The following CDCA8 variants were observed in gnomAD, a reference collection of about 807,000 sequenced individuals.
The protein encoded by CDCA8 is borealin.
A neutral mutation model predicts 40.0 loss-of-function variants in CDCA8; 25 were observed. The observed-to-expected ratio is 0.63, with a 90% confidence interval of 0.46 to 0.87. CDCA8 has a LOEUF of 0.87. CDCA8 is among the 40% of genes least tolerant of loss of function. CDCA8 has a pLI of 0.00. For synonymous variants in CDCA8, 111 were observed against 126.5 expected (o/e 0.88, Z 0.82); for missense variants, 280 against 348.4 (o/e 0.80, Z 1.56).
chr1:37,708,299 G>T (rs574492867), intron 9 of CDCA8, 23 bp from the exon 10 acceptor site: 6 of 1,604,802 alleles, frequency 3.7e-6, no homozygotes, highest in African/African-American at 2.8e-5. Context: ...CTTCTACAAT[G>T]ACCTCTCTCC....
In CDCA8 at chr1:37,692,980, A is replaced by G; in HGVS notation, c.170A>G (p.Glu57Gly). ...GAGGTGGATAACCTCTACAACATCG[A>G]GATCCTGCGGCTCCCCAAGGCTCTG... Reference protein sequence around the residue: ...LKEVDNLYNIEILRLPKALRE... With the variant: ...LKEVDNLYNIGILRLPKALRE... Residue 57 changes from glutamate (E) to glycine (G), a missense_variant, in exon 2 of 10, where the codon GAG becomes GGG. Glu to Gly is a moderately conservative substitution (Grantham distance 98). Transcript: ENST00000373055. 6.2e-7 allele frequency: 1 copy of G among 1,614,096 alleles called. No homozygotes were observed. The highest frequency in any genetic ancestry group is 8.5e-7 in the Non-Finnish European group (1 of 1,180,000).
intron 4 of CDCA8, among the ~76,000 whole-genome samples, chr1:37,699,789 G>A (rs550275085): frequency 2.6e-5 from 4 of 152,084 alleles, no homozygotes; most frequent in East Asian, 3.9e-4. Flanking sequence ...GCGTGGTGGC[G>A]GGCGCCTGTA....
chr1:37,698,435 T>C (rs930286274), intron 3 of CDCA8, among the ~76,000 whole-genome samples: 1 of 152,226 alleles, frequency 6.6e-6, no homozygotes, highest in African/African-American at 2.4e-5. Context: ...TGGGATATGA[T>C]ATAGCAATGA....
chr1:37,703,917 T>C (rs992065304), intron 7 of CDCA8, among the ~76,000 whole-genome samples: 15 of 152,180 alleles, frequency 9.9e-5, no homozygotes, highest in African/African-American at 3.4e-4. Context: ...TTTTTGGCCT[T>C]TTCTGATTCA....
intron 2 of CDCA8, among the ~76,000 whole-genome samples, chr1:37,693,744 AAATG>A (rs1017938872): frequency 1.3e-5 from 2 of 152,236 alleles, no homozygotes. Flanking sequence ...ACCCATTTAA[AAATG>A]AATGAATAAA....
chr1:37,703,227 C>G, intron 6 of CDCA8, 25 bp from the exon 7 acceptor site: 1 of 1,572,710 alleles, frequency 6.4e-7, no homozygotes, highest in East Asian at 2.2e-5. Flanking sequence ...AGTTGGCATA[C>G]CTGATGGCCA....
rs1645617559 is a variant in CDCA8 at position 37,708,393 on chromosome 1, T to A, written c.*27T>A. The A allele has an allele frequency of 6.2e-7, 1 of 1,608,708 alleles. No homozygotes were observed. The highest frequency in any genetic ancestry group is 1.3e-5 in the African/African-American group (1 of 74,808). ...ACACCAAAGTTGACAGGATGGACTT[T>A]TAATGGGCACTTCTGGGACCCTGAA... is the stretch of plus-strand genomic sequence containing the variant. On this transcript the variant is annotated 3_prime_UTR_variant, in exon 10 of 10. Transcript: ENST00000373055.
chr1:37,705,621 TC>T, intron 8 of CDCA8, 54 bp downstream of exon 8: 1 of 1,597,030 alleles, frequency 6.3e-7, no homozygotes, highest in Non-Finnish European at 8.6e-7. Context: ...GTCAAGCATT[TC>T]TTTTCCCTGG....
chr1:37,695,140 C>T (rs144885539), intron 2 of CDCA8, among the ~76,000 whole-genome samples: 439 of 152,004 alleles, frequency 2.9e-3, no homozygotes, highest in Middle Eastern at 0.014. Flanking sequence ...TACTTGAGCC[C>T]AGGAATTTGA....
intron 8 of CDCA8, 47 bp from the exon 9 acceptor site, chr1:37,706,931 G>A (rs148932769): frequency 4.4e-5 from 67 of 1,506,034 alleles, no homozygotes; most frequent in South Asian, 3.2e-4. Flanking sequence ...TAGGGGTTCC[G>A]GCCCTAAGGG....
Position 37,708,743 on chromosome 1 carries a change from C to T in CDCA8, c.*377C>T, listed in dbSNP as rs148036658. 2.8e-3 allele frequency: 857 copies of T among 304,072 alleles called. 3 individuals carry two copies. Among genetic ancestry groups the T allele is most frequent in the Non-Finnish European group, 4.3e-3 (669 of 155,670 alleles). The allele number at this position is 304,072 out of a possible 1,614,324, so 18.8% of individuals were successfully genotyped here. A position where few individuals can be genotyped will look rare whatever the true frequency, so the allele number is the denominator to read the frequency against. On this transcript the variant is annotated 3_prime_UTR_variant, in exon 10 of 10. Coordinates refer to ENST00000373055, the MANE Select transcript of CDCA8 (RefSeq NM_001256875.2). ...CCTGTGTTCTCAGGAAGACTGCCTC[C>T]ACCACCGCTACCCAGAGAACCTCTG...
chr1:37,701,885 A>G lies in CDCA8; in HGVS notation c.488+67A>G. 4.3e-6 allele frequency: 5 copies of G among 1,168,368 alleles called. No individual in the cohort carries two copies. In the East Asian group the frequency reaches 9.6e-5, roughly 22 times the overall value. The allele number at this position is 1,168,368 out of a possible 1,614,324, so 72.4% of individuals were successfully genotyped here. ...GAGAGCCATATATATCATGGCAGAA[A>G]GTGAGGGGCAGTGAAAAGGCTCTGG... On this transcript the variant is annotated intron_variant, in intron 6 of 9. Transcript: ENST00000373055.
intron 3 of CDCA8, among the ~76,000 whole-genome samples, chr1:37,698,158 A>G (rs550759543): frequency 6.6e-6 from 1 of 152,372 alleles, no homozygotes; most frequent in Admixed American, 6.5e-5. Flanking sequence ...CAAGTGTTGT[A>G]GAGGATGTAG....
rs1645623663 is a variant in CDCA8, at chr1:37,709,299, T to C, written c.*933T>C. 6.6e-6 allele frequency: 1 copy of C among 152,206 alleles called. No homozygotes were observed. The highest frequency in any genetic ancestry group is 2.4e-5 in the African/African-American group (1 of 41,424). The allele number at this position is 152,206 out of a possible 1,614,324, so 9.4% of individuals were successfully genotyped here. ...CAGAGAGCACTTCTCTCTTATGGGG[T>C]TCATGGGAACAGGGGTGGGTGTGAC... is the stretch of plus-strand genomic sequence containing the variant. On this transcript the variant is annotated 3_prime_UTR_variant, in exon 10 of 10. Transcript: ENST00000373055.
chr1:37,708,906 A>C lies in CDCA8; in HGVS notation c.*540A>C. 6.2e-6 allele frequency: 1 copy of C among 160,156 alleles called. No homozygotes were observed. Among genetic ancestry groups the C allele is most frequent in the Non-Finnish European group, 1.4e-5 (1 of 72,364 alleles). The allele number at this position is 160,156 out of a possible 1,614,324, so 9.9% of individuals were successfully genotyped here. A position where few individuals can be genotyped will look rare whatever the true frequency, so the allele number is the denominator to read the frequency against. On this transcript the variant is annotated 3_prime_UTR_variant, in exon 10 of 10. Coordinates refer to ENST00000373055, the MANE Select transcript of CDCA8 (RefSeq NM_001256875.2). ...CAGAGCAGGACAGTTGGCAGCAGTGACCTCAGTAGGGAACATGTCCGTCTA... is the reference window on the plus strand; with the variant it reads ...CAGAGCAGGACAGTTGGCAGCAGTGCCCTCAGTAGGGAACATGTCCGTCTA...
At chr1:37,704,989 T>C (rs918282940) in intron 7 of CDCA8, among the ~76,000 whole-genome samples, 2 of 152,198 alleles carry the variant, frequency 1.3e-5, no homozygotes, top group Non-Finnish European at 1.5e-5. Context: ...CACATGAATA[T>C]GTAACAAAAG....
At chr1:37,705,333 G>T in intron 7 of CDCA8, 108 bp from the exon 8 acceptor site, 7 of 933,372 alleles carry the variant, frequency 7.5e-6, no homozygotes, top group Admixed American at 4.6e-5. Context: ...TCTTAGGAAT[G>T]TATGACTTAA....
chr1:37,708,148 G>C (rs1245694065), intron 9 of CDCA8, among the ~76,000 whole-genome samples, 174 bp from the exon 10 acceptor site: 1 of 152,200 alleles, frequency 6.6e-6, no homozygotes, highest in Non-Finnish European at 1.5e-5. Context: ...TACCTTTACT[G>C]TCTCACTTGA....
chr1:37,704,548 G>C (rs748994858), intron 7 of CDCA8, among the ~76,000 whole-genome samples: 2 of 151,746 alleles, frequency 1.3e-5, no homozygotes, highest in Admixed American at 6.6e-5. Flanking sequence ...AAGGAATTCA[G>C]AGTGGTTACC....
Sources: allele counts gnomAD v4.1 joint callset (sites outside exome capture counted in the v4.1 genomes callset), GRCh38; gene constraint gnomAD v4.1.1; transcripts MANE v1.5; gene names NCBI Gene and HGNC (gene_info 2026-07-23, HGNC 2026-07-21).